The following DPYD variants were observed in gnomAD, a reference collection of about 807,000 sequenced individuals.
The protein encoded by DPYD is dihydropyrimidine dehydrogenase.
In DPYD, 109 loss-of-function variants were observed where a neutral mutation model predicts 116.2. The ratio of observed to expected loss-of-function variants is 0.94; its 90% confidence interval spans 0.80 to 1.10. DPYD has a LOEUF of 1.10. Among genes scored for constraint, DPYD ranks in the 50% least tolerant of loss-of-function variants. DPYD has a pLI of 0.00. For synonymous variants in DPYD, 440 were observed against 432.0 expected, an observed-to-expected ratio of 1.02 and a Z score of -0.23; for missense variants, 1,302 against 1,254.5, an observed-to-expected ratio of 1.04 and a Z score of -0.57.
chr1:97,743,031 T>G (rs546381902), intron 3 of DPYD, among the ~76,000 whole-genome samples: 1 of 152,238 alleles, frequency 6.6e-6, no homozygotes, highest in African/African-American at 2.4e-5. Flanking sequence ...GGAACCAAAT[T>G]AATGTGCAGT....
chr1:97,901,870 A>G (rs889782996), intron 1 of DPYD, among the ~76,000 whole-genome samples: 1 of 151,902 alleles, frequency 6.6e-6, no homozygotes, highest in Non-Finnish European at 1.5e-5. Context: ...TCAAAAATAC[A>G]TTTACCATTC....
intron 20 of DPYD, among the ~76,000 whole-genome samples, chr1:97,133,999 A>AAC (rs1653538274): frequency 7.3e-5 from 1 of 13,760 alleles, no homozygotes; most frequent in South Asian, 3.7e-3. Flanking sequence ...ACTCTGTTTC[A>AAC]AAAAAAAAAA....
At chr1:97,171,621 T>C (rs1656729647) in intron 20 of DPYD, among the ~76,000 whole-genome samples, 1 of 152,170 alleles carries the variant, frequency 6.6e-6, no homozygotes, top group Non-Finnish European at 1.5e-5. Context: ...CTCAACAGGA[T>C]AGAGAATAAT....
chr1:97,702,735 G>C (rs572298596), intron 5 of DPYD, among the ~76,000 whole-genome samples: 1 of 151,864 alleles, frequency 6.6e-6, no homozygotes, highest in South Asian at 2.1e-4. Flanking sequence ...ACAAATTCTA[G>C]CTAATGGCAT....
intron 16 of DPYD, among the ~76,000 whole-genome samples, chr1:97,359,848 A>C (rs959856693): frequency 3.9e-5 from 6 of 152,242 alleles, no homozygotes; most frequent in Non-Finnish European, 8.8e-5. Flanking sequence ...CAGCCACTGC[A>C]AAAATATGCC....
chr1:97,755,445 T>C (rs1032086180), intron 3 of DPYD, among the ~76,000 whole-genome samples: 10 of 152,244 alleles, frequency 6.6e-5, no homozygotes, highest in African/African-American at 2.4e-4. Flanking sequence ...TATCTGTAAG[T>C]AATAAACCTG....
At chr1:97,784,301 A>T (rs1014100201) in intron 3 of DPYD, among the ~76,000 whole-genome samples, 1 of 152,070 alleles carries the variant, frequency 6.6e-6, no homozygotes, top group African/African-American at 2.4e-5. Flanking sequence ...TACAGTGTAA[A>T]TAAAACCAAT....
At position 97,853,786 on chromosome 1, in the gene DPYD, CATAA is replaced by C. The variant is rs377696611; in HGVS notation, c.151-25594_151-25591del. Among the ~76,000 whole-genome samples the C allele has an allele frequency of 2.2e-4, 33 of 152,276 alleles. No individual in the cohort carries two copies. The East Asian group carries it at 5.6e-3, about 26-fold the overall frequency. On this transcript the variant is annotated intron_variant, in intron 2 of 22. Coordinates refer to ENST00000370192, the MANE Select transcript of DPYD (RefSeq NM_000110.4). ...GACTTGTCTAAGATTGCGTAGTTAA[CATAA>C]ATAGTGTTCTCCCACTTTCCAGTAT...
intron 9 of DPYD, among the ~76,000 whole-genome samples, chr1:97,593,595 T>A (rs1313505583): frequency 6.6e-6 from 1 of 152,208 alleles, no homozygotes; most frequent in Non-Finnish European, 1.5e-5. Flanking sequence ...ATAGTCAGTA[T>A]CTTTAGTTTC....
chr1:97,514,157 T>C (rs1648028892), intron 13 of DPYD: 2 of 971,478 alleles, frequency 2.1e-6, no homozygotes, highest in African/African-American at 3.5e-5. Context: ...ATTGGAGGTT[T>C]AGAAGGAAGT....
At chr1:97,817,017 C>T (rs1175745449) in intron 3 of DPYD, among the ~76,000 whole-genome samples, 2 of 152,094 alleles carry the variant, frequency 1.3e-5, no homozygotes, top group Admixed American at 1.3e-4. Flanking sequence ...CATGTTTGCT[C>T]TCAACCAGGG....
At chr1:97,824,073 T>C (rs1348279059) in intron 3 of DPYD, among the ~76,000 whole-genome samples, 2 of 152,136 alleles carry the variant, frequency 1.3e-5, no homozygotes, top group African/African-American at 4.8e-5. Context: ...CAGAAGAACT[T>C]AAGAATTTCC....
At chr1:97,527,271 G>C (rs887689665) in intron 12 of DPYD, among the ~76,000 whole-genome samples, 3 of 152,038 alleles carry the variant, frequency 2.0e-5, no homozygotes, top group Admixed American at 6.6e-5. Flanking sequence ...TAGAGACAGG[G>C]TTTCACCATG....
chr1:97,588,660 C>T (rs138830180), intron 10 of DPYD, among the ~76,000 whole-genome samples: 2 of 152,222 alleles, frequency 1.3e-5, no homozygotes, highest in Admixed American at 1.3e-4. Context: ...AACAGATTTT[C>T]CCTCATCTTC....
rs532052703 is a variant in DPYD at position 97,900,418 on chromosome 1, T to C, written c.40-17044A>G. 4.6e-5 allele frequency among the ~76,000 whole-genome samples: 7 copies of C among 152,008 alleles called. No homozygotes were observed. In the East Asian group the frequency reaches 5.8e-4, roughly 13 times the overall value. On this transcript the variant is annotated intron_variant, in intron 1 of 22. Coordinates refer to ENST00000370192, the MANE Select transcript of DPYD (RefSeq NM_000110.4). ...GTCAACTAGGTATGGGAAGGACTGA[T>C]AGTCCAATCAACAAGGCAAAATATT...
chr1:97,880,317 T>C (rs761313428), intron 2 of DPYD, among the ~76,000 whole-genome samples: 2 of 151,820 alleles, frequency 1.3e-5, no homozygotes, highest in Non-Finnish European at 2.9e-5. Context: ...CAGTTACTGG[T>C]TACTGGCTAG....
chr1:97,653,200 G>A (rs944878320), intron 8 of DPYD, among the ~76,000 whole-genome samples: 2 of 151,940 alleles, frequency 1.3e-5, no homozygotes, highest in African/African-American at 4.8e-5. Context: ...TATAGTGCAT[G>A]GACAAATAAT....
chr1:97,626,934 G>C lies in DPYD; in HGVS notation c.851-31768C>G, dbSNP rs186324945. ...ATGGTGTCTTAGTTCCGGCTTCTAT[G>C]TCAAAGTGCCATAGACTGCGTGACT... On this transcript the variant is annotated intron_variant, in intron 8 of 22. Transcript: ENST00000370192. Among the ~76,000 whole-genome samples the C allele has an allele frequency of 1.6e-4, 24 of 152,058 alleles. No homozygotes were observed. In the East Asian group the frequency reaches 4.3e-3, roughly 27 times the overall value.
At chr1:97,507,210 G>A (rs1354252375) in intron 13 of DPYD, among the ~76,000 whole-genome samples, 1 of 151,918 alleles carries the variant, frequency 6.6e-6, no homozygotes, top group Non-Finnish European at 1.5e-5. Flanking sequence ...ATACGTCTAA[G>A]TTATAAGAAC....
Sources: allele counts gnomAD v4.1 joint callset (sites outside exome capture counted in the v4.1 genomes callset), GRCh38; gene constraint gnomAD v4.1.1; transcripts MANE v1.5; gene names NCBI Gene and HGNC (gene_info 2026-07-23, HGNC 2026-07-21).